Variants in GCLC observed in about 807,000 individuals in gnomAD.
GCLC encodes the protein glutamate-cysteine ligase catalytic subunit, also known as glutamate--cysteine ligase catalytic subunit.
A neutral mutation model predicts 81.5 loss-of-function variants in GCLC; 30 were observed. The ratio of observed to expected loss-of-function variants is 0.37; its 90% CI spans 0.28 to 0.50. The LOEUF (loss-of-function observed/expected upper bound fraction) is 0.50. Among genes scored for constraint, GCLC ranks in the 20% least tolerant of loss-of-function variants. The pLI is 0.96. For missense variants in GCLC, 556 were observed against 777.4 expected, an observed-to-expected ratio of 0.72 and a Z score of 3.39; for synonymous variants, 262 against 273.3, an observed-to-expected ratio of 0.96 and a Z score of 0.41.
At chr6:53,508,835 C>A in intron 7 of GCLC, 124 bp from the exon 8 acceptor site, 1 of 739,800 alleles carries the variant, frequency 1.4e-6, no homozygotes. Flanking sequence ...AGCACATGTA[C>A]CTGTGCCTAT....
Position 53,500,179 on chromosome 6 carries a change from G to A in GCLC, c.1582-14C>T, listed in dbSNP as rs374239330. 9 of 1,613,912 alleles carry A rather than the reference G, an allele frequency of 5.6e-6. No homozygotes were observed. The highest frequency in any genetic ancestry group is 6.8e-6 in the Non-Finnish European group (8 of 1,179,912). ...AAACACACCTTCCTACAAGAAGCAG[G>A]ACACTTTATGAACTCCCTGCCGGGG... On this transcript the variant is annotated splice_polypyrimidine_tract_variant and intron_variant, in intron 14 of 15. Transcript: ENST00000650454.
intron 2 of GCLC, among the ~76,000 whole-genome samples, chr6:53,521,825 T>A (rs1374385897): frequency 6.6e-6 from 1 of 152,030 alleles, no homozygotes; most frequent in Admixed American, 6.5e-5. Context: ...ATACAAAAAA[T>A]TAGCCAGGCG....
In GCLC at chr6:53,498,620, A is replaced by C. The variant is rs550932276; in HGVS notation, c.*136T>G. The C allele has an allele frequency of 1.3e-5, 9 of 707,808 alleles. No individual in the cohort carries two copies. The highest frequency in any genetic ancestry group is 1.0e-4 in the African/African-American group (6 of 57,154). 43.8% of individuals were successfully genotyped at this position (707,808 alleles called of 1,614,324 possible). A position where few individuals can be genotyped will look rare whatever the true frequency, so the allele number is the denominator to read the frequency against. On this transcript the variant is annotated 3_prime_UTR_variant, in exon 16 of 16. Transcript: ENST00000650454. ...AGATTTACCTACCAAAGAAAGCCTT[A>C]ATCAATTTCTGGCTCACTGGCCCAG...
In GCLC at chr6:53,544,640, C is replaced by T. The variant is rs1417979798; in HGVS notation, c.6G>A (p.Gly2=). The T allele has an allele frequency of 1.3e-6, 2 of 1,591,658 alleles. No homozygotes were observed. The highest frequency in any genetic ancestry group is 2.2e-5 in the East Asian group (1 of 44,522). Reference sequence around the variant, plus strand: ...TCAGCGGCGAGCCCTGGGACAGCAGCCCCATGGCCGCCCCCTCCTCCTCCT... The same window carrying T: ...TCAGCGGCGAGCCCTGGGACAGCAGTCCCATGGCCGCCCCCTCCTCCTCCT... M[G]LLSQGSPLSW... Residue 2 remains glycine, a synonymous_variant, in exon 1 of 16, where the codon GGG becomes GGA. Coordinates refer to ENST00000650454, the MANE Select transcript of GCLC (RefSeq NM_001498.4).
intron 6 of GCLC, among the ~76,000 whole-genome samples, chr6:53,511,422 ATG>A (rs1423119956): frequency 6.6e-6 from 1 of 152,120 alleles, no homozygotes; most frequent in African/African-American, 2.4e-5. Flanking sequence ...GTATTTGAGT[ATG>A]TGTCATTTTT....
chr6:53,498,964 T>C lies in GCLC; in HGVS notation c.1706A>G (p.Glu569Gly), dbSNP rs778770844. 4 of 1,609,932 alleles carry C rather than the reference T, an allele frequency of 2.5e-6. No homozygotes were observed. In the Admixed American group the frequency reaches 6.7e-5, roughly 27 times the overall value. ...LKLIKKRASG[E>G]LMTVARWMRE... ...CATCCATCTGGCAACTGTCATTAGTTCTCCTGTGGGCGAGGGGGGAGCGAA... is the reference window on the plus strand; with the variant it reads ...CATCCATCTGGCAACTGTCATTAGTCCTCCTGTGGGCGAGGGGGGAGCGAA... The change falls in exon 16 of 16, where the codon GAA becomes GGA. Residue 569 changes from glutamate (E) to glycine (G), a missense_variant. Transcript: ENST00000650454.
intron 12 of GCLC, chr6:53,501,199 G>T (rs576126977): frequency 2.6e-5 from 4 of 156,580 alleles, no homozygotes; most frequent in African/African-American, 9.6e-5. Flanking sequence ...GATTACAGGC[G>T]TGAGCCACCG....
intron 12 of GCLC, among the ~76,000 whole-genome samples, chr6:53,502,724 A>G (rs939646085): frequency 3.3e-5 from 5 of 152,060 alleles, no homozygotes; most frequent in African/African-American, 1.2e-4. Flanking sequence ...ATTTTATATT[A>G]TCTGTTTCAG....
Position 53,544,944 on chromosome 6 carries a change from C to G in GCLC, c.-299G>C, listed in dbSNP as rs1054429037. 4.4e-6 allele frequency: 1 copy of G among 229,168 alleles called. No homozygotes were observed. The highest frequency in any genetic ancestry group is 1.6e-4 in the South Asian group (1 of 6,322). The allele number at this position is 229,168 out of a possible 1,614,324, so 14.2% of individuals were successfully genotyped here. A position where few individuals can be genotyped will look rare whatever the true frequency, so the allele number is the denominator to read the frequency against. The stretch of plus-strand genomic sequence containing the variant: ...TCGCCCTCCCCGCTGCTCCTCCTCC[C>G]GCTCCGATGCGGCGGCGGCGGACCC... On this transcript the variant is annotated 5_prime_UTR_variant, in exon 1 of 16. Transcript: ENST00000650454.
intron 1 of GCLC, among the ~76,000 whole-genome samples, chr6:53,539,806 G>A (rs933425431): frequency 1.3e-5 from 2 of 152,058 alleles, no homozygotes; most frequent in South Asian, 2.1e-4. Context: ...TTTTATCTGC[G>A]CAGCCTGTTT....
chr6:53,500,247 C>A lies in GCLC; in HGVS notation c.1581G>T (p.Lys527Asn). Residue 527 changes from lysine to asparagine, a missense_variant and splice_region_variant, in exon 14 of 16, where the codon AAG becomes AAT. Physicochemically the swap from Lys to Asn is moderately conservative, Grantham distance 94 (BLOSUM62 0). Around this residue, in one of 3 missense-constraint regions of GCLC, gnomAD observed 313 missense variants for 437.3 expected, o/e 0.72. Coordinates refer to ENST00000650454, the MANE Select transcript of GCLC (RefSeq NM_001498.4). ...LMSIDTIING[K>N]EGVFPGLIPI... Reference sequence around the variant, plus strand: ...GTACTGTACAGGGCCACCCTCCTACCTTCCCATTGATGATGGTGTCTATGC... The same window carrying A: ...GTACTGTACAGGGCCACCCTCCTACATTCCCATTGATGATGGTGTCTATGC... The A allele has an allele frequency of 6.2e-7, 1 of 1,613,550 alleles. No homozygotes were observed. Among genetic ancestry groups the A allele is most frequent in the Non-Finnish European group, 8.5e-7 (1 of 1,179,462 alleles).
chr6:53,507,554 G>C lies in GCLC; in HGVS notation c.1010C>G (p.Ser337Cys). The change falls in exon 9 of 16, where the codon TCT becomes TGT. Residue 337 changes from serine to cysteine, a missense_variant. Physicochemically the swap from Ser to Cys is moderately radical, Grantham distance 112. Around this residue, in one of 3 missense-constraint regions of GCLC, gnomAD observed 313 missense variants for 437.3 expected, o/e 0.72. Transcript: ENST00000650454. ...GTCATTATATTTCTCACCACACTTA[G>C]ATAAATAGCTGTCTATTGAGTCATA... ...SRYDSIDSYL[S>C]KCGEKYNDID... The C allele has an allele frequency of 6.3e-7, 1 of 1,588,708 alleles. No individual in the cohort carries two copies. Among genetic ancestry groups the C allele is most frequent in the Non-Finnish European group, 8.6e-7 (1 of 1,157,172 alleles).
At position 53,500,170 on chromosome 6, in the gene GCLC, AAGAAG is replaced by A; in HGVS notation, c.1582-10_1582-6del. The A allele has an allele frequency of 1.9e-6, 3 of 1,614,038 alleles. No individual in the cohort carries two copies. Among genetic ancestry groups the A allele is most frequent in the Non-Finnish European group, 1.7e-6 (2 of 1,179,892 alleles). Reference sequence around the variant, plus strand: ...CAGTCCAGGAAACACACCTTCCTACAAGAAGCAGGACACTTTATGAACTCCCTGCC... The same window carrying A: ...CAGTCCAGGAAACACACCTTCCTACACAGGACACTTTATGAACTCCCTGCC... On this transcript the variant is annotated splice_polypyrimidine_tract_variant and splice_region_variant and intron_variant, in intron 14 of 15. Transcript: ENST00000650454.
intron 3 of GCLC, 104 bp downstream of exon 3, chr6:53,520,674 T>C: frequency 2.2e-6 from 2 of 912,674 alleles, no homozygotes; most frequent in South Asian, 2.6e-5. Context: ...AAACCATCTG[T>C]AACGTATGAG....
At position 53,505,288 on chromosome 6, in the gene GCLC, G is replaced by A. The variant is rs1036593589; in HGVS notation, c.1395+104C>T. ...ATGGAGAAACATTTTATTGCAAAGGGTAAACAATTTCAAATGAAATTAGGT... is the reference window on the plus strand; with the variant it reads ...ATGGAGAAACATTTTATTGCAAAGGATAAACAATTTCAAATGAAATTAGGT... On this transcript the variant is annotated intron_variant, in intron 12 of 15. Coordinates refer to ENST00000650454, the MANE Select transcript of GCLC (RefSeq NM_001498.4). The A allele has an allele frequency of 1.1e-5, 8 of 712,012 alleles. No homozygotes were observed. In the African/African-American group the frequency reaches 1.4e-4, roughly 13 times the overall value. The allele number at this position is 712,012 out of a possible 1,614,324, so 44.1% of individuals were successfully genotyped here.
At chr6:53,532,514 A>G (rs1763190956) in intron 1 of GCLC, among the ~76,000 whole-genome samples, 2 of 152,228 alleles carry the variant, frequency 1.3e-5, no homozygotes, top group African/African-American at 4.8e-5. Context: ...AGGCCAGGGT[A>G]CTACCCTGCT....
intron 1 of GCLC, among the ~76,000 whole-genome samples, chr6:53,525,436 T>C (rs1763063916): frequency 6.6e-6 from 1 of 152,186 alleles, no homozygotes; most frequent in African/African-American, 2.4e-5. Flanking sequence ...ATATAAAACA[T>C]CTAAAGCCCC....
At chr6:53,507,716 C>T (rs1764643953) in intron 8 of GCLC, 98 bp from the exon 9 acceptor site, 2 of 524,118 alleles carry the variant, frequency 3.8e-6, no homozygotes, top group South Asian at 3.7e-5. Flanking sequence ...ACATAAGATA[C>T]AGAAAAAAAG....
intron 3 of GCLC, among the ~76,000 whole-genome samples, chr6:53,517,277 T>TC (rs1554152627): frequency 8.4e-6 from 1 of 119,536 alleles, no homozygotes; most frequent in African/African-American, 3.0e-5. Flanking sequence ...TTTTTTTTTT[T>TC]CCAGGGACGA....
Sources: allele counts gnomAD v4.1 joint callset (sites outside exome capture counted in the v4.1 genomes callset), GRCh38; gene constraint gnomAD v4.1.1; regional missense constraint gnomAD v4.1.1; transcripts MANE v1.5; gene names NCBI Gene and HGNC (gene_info 2026-07-23, HGNC 2026-07-21).